RSRP1: variants seen among roughly 807,000 people sequenced by gnomAD.
RSRP1 encodes arginine and serine rich protein 1.
RSRP1 carries 37 observed loss-of-function variants against 33.0 expected under a neutral mutation model. The ratio of observed to expected loss-of-function variants is 1.12; its 90% CI spans 0.86 to 1.48. The LOEUF (loss-of-function observed/expected upper bound fraction) is 1.48, where lower values mean the gene tolerates loss of function less well. Ranked by LOEUF, RSRP1 falls within the 40% of genes most tolerant of loss-of-function variation. The pLI is 0.00. For synonymous variants in RSRP1, 167 were observed against 158.7 expected (o/e 1.05, Z -0.40); for missense variants, 402 against 385.3 (o/e 1.04, Z -0.36).
In RSRP1 at chr1:25,321,506, A is replaced by AC. The variant is rs1367852887; in HGVS notation, c.-67+16471_-67+16472insG. Among the ~76,000 whole-genome samples, 4 of 119,354 alleles carry AC rather than the reference A, an allele frequency of 3.4e-5. 1 individual carries two copies. The highest frequency in any genetic ancestry group is 1.1e-4 in the African/African-American group (4 of 36,006). 78.3% of individuals were successfully genotyped at this position (119,354 alleles called of 152,430 possible). On this transcript the variant is annotated intron_variant, in intron 1 of 1. Transcript: ENST00000561867. ...TGAAACTCCATCTCTACTAAAAAAA[A>AC]AAAAAAAAAAAAAATTAGCTGGATG...
chr1:25,247,652 G>C (rs1435055012), upstream of RSRP1: 4 of 152,390 alleles, frequency 2.6e-5, no homozygotes, highest in African/African-American at 9.6e-5. Context: ...GGAGGTGTTT[G>C]ATACATCAGG....
chr1:25,315,622 G>A lies in RSRP1; in HGVS notation c.-67+22356C>T, dbSNP rs1317641763. ...CGCCGTTCTCCTGCCTCAGCCTCCT[G>A]AGTAGCTGGGACTACAGGCGCCTGC... On this transcript the variant is annotated intron_variant, in intron 1 of 1. Coordinates refer to the RSRP1 transcript ENST00000561867. Among the ~76,000 whole-genome samples, 4 of 124,968 alleles carry A rather than the reference G, an allele frequency of 3.2e-5. 2 individuals are homozygous for A. Among genetic ancestry groups the A allele is most frequent in the Non-Finnish European group, 7.5e-5 (4 of 53,518 alleles). The allele number at this position is 124,968 out of a possible 152,430, so 82.0% of individuals were successfully genotyped here.
Position 25,272,692 on chromosome 1 carries a change from CA to C in RSRP1, c.-66-25664del. ...TCAAAAGGGGCTCGTGGCATCCTAT[CA>C]AGGTGAGAGTTCATTGGAAAAGTGG... On this transcript the variant is annotated intron_variant, in intron 1 of 1. Transcript: ENST00000561867. 2 of 1,496,220 alleles carry C rather than the reference CA, an allele frequency of 1.3e-6. 1 individual carries two copies. The highest frequency in any genetic ancestry group is 1.8e-6 in the Non-Finnish European group (2 of 1,082,210). The allele number at this position is 1,496,220 out of a possible 1,614,324, so 92.7% of individuals were successfully genotyped here.
At chr1:25,301,052 A>C in intron 1 of RSRP1, 1 of 1,376,880 alleles carries the variant, frequency 7.3e-7, no homozygotes, top group Non-Finnish European at 1.0e-6. Context: ...ACGGAGGATA[A>C]AGATCAGACA....
rs28612424 is a variant in RSRP1, at chr1:25,333,769, G to A, written c.-67+4209C>T. Among the ~76,000 whole-genome samples, 794 of 129,942 alleles carry A rather than the reference G, an allele frequency of 6.1e-3. 117 individuals are homozygous for A. The highest frequency in any genetic ancestry group is 0.019 in the African/African-American group (734 of 37,672). The allele number at this position is 129,942 out of a possible 152,430, so 85.2% of individuals were successfully genotyped here. ...CGAAAGGCAATGAGGAGCAAGTCAC[G>A]TCTTACGTGGATGGCAGGCAAAGAC... On this transcript the variant is annotated intron_variant, in intron 1 of 1. Coordinates refer to the RSRP1 transcript ENST00000561867.
chr1:25,310,122 C>A (rs1270409143), intron 1 of RSRP1, among the ~76,000 whole-genome samples: 1 of 132,524 alleles, frequency 7.5e-6, no homozygotes, highest in East Asian at 2.0e-4. Context: ...TCCAGGATAA[C>A]CACTAACCTG....
intron 3 of RSRP1, 127 bp downstream of exon 3, chr1:25,245,023 C>G: frequency 6.3e-7 from 1 of 1,576,390 alleles, no homozygotes; most frequent in East Asian, 2.3e-5. Context: ...AGATTTGCTA[C>G]TTTGAATTTA....
rs1351696033 is a variant in RSRP1 at position 25,332,196 on chromosome 1, C to T, written c.-67+5782G>A. Among the ~76,000 whole-genome samples the T allele has an allele frequency of 2.4e-5, 3 of 127,342 alleles. 1 individual carries two copies. Among genetic ancestry groups the T allele is most frequent in the Admixed American group, 1.5e-4 (2 of 13,046 alleles). The allele number at this position is 127,342 out of a possible 152,430, so 83.5% of individuals were successfully genotyped here. On this transcript the variant is annotated intron_variant, in intron 1 of 1. Transcript: ENST00000561867. ...GGATCACAGGCACACGCCACCACACCTAGCTACTTTTTGTATTTTTAGTAG... is the reference window on the plus strand; with the variant it reads ...GGATCACAGGCACACGCCACCACACTTAGCTACTTTTTGTATTTTTAGTAG...
At chr1:25,255,580 G>A (rs1044848315) in intron 1 of RSRP1, among the ~76,000 whole-genome samples, 6 of 152,078 alleles carry the variant, frequency 3.9e-5, no homozygotes, top group Non-Finnish European at 5.9e-5. Flanking sequence ...CTGGGGGTGG[G>A]GGGTTGTTCT....
At chr1:25,263,608 G>A (rs1640228258) in intron 1 of RSRP1, among the ~76,000 whole-genome samples, 1 of 151,786 alleles carries the variant, frequency 6.6e-6, no homozygotes, top group African/African-American at 2.4e-5. Flanking sequence ...CACAACGCAT[G>A]GGAATTCAGG....
At chr1:25,246,342 A>G in intron 2 of RSRP1, 102 bp downstream of exon 2, 8 of 1,512,396 alleles carry the variant, frequency 5.3e-6, no homozygotes, top group Non-Finnish European at 6.2e-6. Flanking sequence ...TCGGGCACTA[A>G]AGGAACTAAT....
chr1:25,287,471 CGG>C (rs1226893083), intron 1 of RSRP1, among the ~76,000 whole-genome samples: 4 of 135,108 alleles, frequency 3.0e-5, no homozygotes, highest in Non-Finnish European at 7.0e-5. Flanking sequence ...CCTTCCTGAC[CGG>C]TTCCCGTCAG....
Position 25,301,379 on chromosome 1 carries a change from G to A in RSRP1, c.-67+36599C>T, listed in dbSNP as rs1474689431. ...GCTGGTATCAGCTTGAGAGCTCGGAGGGGAGACGTGACTTCCCCATCTAAC... is the reference window on the plus strand; with the variant it reads ...GCTGGTATCAGCTTGAGAGCTCGGAAGGGAGACGTGACTTCCCCATCTAAC... On this transcript the variant is annotated intron_variant, in intron 1 of 1. Coordinates refer to the RSRP1 transcript ENST00000561867. 6 of 843,302 alleles carry A rather than the reference G, an allele frequency of 7.1e-6. No individual in the cohort carries two copies. In the East Asian group the frequency reaches 1.5e-4, roughly 20 times the overall value. 52.2% of individuals were successfully genotyped at this position (843,302 alleles called of 1,614,324 possible). A position where few individuals can be genotyped will look rare whatever the true frequency, so the allele number is the denominator to read the frequency against.
intron 1 of RSRP1, among the ~76,000 whole-genome samples, chr1:25,284,394 T>C (rs1641772230): frequency 7.4e-6 from 1 of 135,658 alleles, no homozygotes; most frequent in Non-Finnish European, 1.8e-5. Flanking sequence ...GCATGTTATG[T>C]TATCCCCATT....
At position 25,274,255 on chromosome 1, in the gene RSRP1, A is replaced by G. The variant is rs1432547826; in HGVS notation, c.-66-27226T>C. ...CATATGGATGTTGAGTAATTTGCCC[A>G]CGGTCGCTCAGCTAGCAATAGCACA... On this transcript the variant is annotated intron_variant, in intron 1 of 1. Coordinates refer to the RSRP1 transcript ENST00000561867. 2.3e-5 allele frequency among the ~76,000 whole-genome samples: 3 copies of G among 132,050 alleles called. 1 individual carries two copies. The highest frequency in any genetic ancestry group is 5.4e-5 in the Non-Finnish European group (3 of 55,728). The allele number at this position is 132,050 out of a possible 152,430, so 86.6% of individuals were successfully genotyped here.
chr1:25,280,149 T>C (rs1422689416), intron 1 of RSRP1, among the ~76,000 whole-genome samples: 3 of 128,372 alleles, frequency 2.3e-5, no homozygotes, highest in Admixed American at 2.3e-4. Context: ...TGCCCTAATT[T>C]CATCTTGTTG....
chr1:25,275,646 C>T lies in RSRP1; in HGVS notation c.-66-28617G>A, dbSNP rs1240386853. Among the ~76,000 whole-genome samples the T allele has an allele frequency of 6.0e-5, 8 of 132,924 alleles. 3 individuals are homozygous for T. Among genetic ancestry groups the T allele is most frequent in the Non-Finnish European group, 3.6e-5 (2 of 56,150 alleles). 87.2% of individuals were successfully genotyped at this position (132,924 alleles called of 152,430 possible). ...TTTTGTATGTTACAATAAATACATA[C>T]AAATTAGGAAAATTGAAAGAGATCA... On this transcript the variant is annotated intron_variant, in intron 1 of 1. Coordinates refer to the RSRP1 transcript ENST00000561867.
At chr1:25,304,659 A>G (rs1643658319) in intron 1 of RSRP1, 1 of 131,704 alleles carries the variant, frequency 7.6e-6, no homozygotes, top group African/African-American at 2.6e-5. Context: ...AAAGAATGAA[A>G]TCCTGTCATT....
At chr1:25,319,198 G>A (rs115301997) in intron 1 of RSRP1, among the ~76,000 whole-genome samples, 4,087 of 132,324 alleles carry the variant, frequency 0.031, 712 homozygotes, top group African/African-American at 0.095. Context: ...AAAGTACCAG[G>A]AGGTCTTTTC....
Sources: allele counts gnomAD v4.1 joint callset (sites outside exome capture counted in the v4.1 genomes callset), GRCh38; gene constraint gnomAD v4.1.1; transcripts MANE v1.5; gene names NCBI Gene and HGNC (gene_info 2026-07-23, HGNC 2026-07-21).